Variants in IFIH1 observed in about 807,000 individuals in gnomAD.
The protein encoded by IFIH1 is interferon induced with helicase C domain 1, also known as interferon-induced helicase C domain-containing protein 1.
In IFIH1, 125 loss-of-function variants were observed where a neutral mutation model predicts 107.4. The observed-to-expected ratio is 1.16, with a 90% CI of 1.01 to 1.35. IFIH1 has a LOEUF of 1.35. Ranked by LOEUF, IFIH1 falls within the 40% of genes most tolerant of loss-of-function variation. IFIH1 has a pLI of 0.00. For missense variants in IFIH1, 1,333 were observed against 1,213.7 expected (o/e 1.10, Z -1.46); for synonymous variants, 458 against 413.2 (o/e 1.11, Z -1.31).
chr2:162,306,636 T>G, intron 3 of IFIH1, 73 bp downstream of exon 3: 2 of 1,145,418 alleles, frequency 1.7e-6, no homozygotes, highest in Admixed American at 4.1e-5. Context: ...TCCCTCTGAT[T>G]AATAGGTTCT....
chr2:162,278,098 T>C (rs1432466485), intron 9 of IFIH1, 107 bp downstream of exon 9: 1 of 900,546 alleles, frequency 1.1e-6, no homozygotes, highest in African/African-American at 1.7e-5. Flanking sequence ...GAAATTCTAT[T>C]TGGAACTACT....
chr2:162,293,264 G>T (rs1469734425), intron 4 of IFIH1, among the ~76,000 whole-genome samples: 1 of 151,916 alleles, frequency 6.6e-6, no homozygotes, highest in Non-Finnish European at 1.5e-5. Flanking sequence ...CTATTTAAAT[G>T]CAGTCAAATT....
intron 12 of IFIH1, 102 bp from the exon 13 acceptor site, chr2:162,272,489 T>G (rs1489523099): frequency 1.6e-5 from 16 of 1,008,542 alleles, no homozygotes; most frequent in Non-Finnish European, 2.2e-5. Flanking sequence ...GAAATGATAT[T>G]GGGTTGTTCA....
At chr2:162,276,633 A>T (rs1199897193) in intron 11 of IFIH1, 54 bp downstream of exon 11, 15 of 1,545,130 alleles carry the variant, frequency 9.7e-6, no homozygotes, top group Non-Finnish European at 1.1e-5. Flanking sequence ...AGAAGAGAAG[A>T]GAAGAAGAAA....
intron 14 of IFIH1, 69 bp from the exon 15 acceptor site, chr2:162,267,638 A>G (rs1206594721): frequency 8.8e-7 from 1 of 1,138,622 alleles, no homozygotes; most frequent in Non-Finnish European, 1.3e-6. Flanking sequence ...TTCATGGGTT[A>G]TTGGACCTGG....
intron 14 of IFIH1, 25 bp downstream of exon 14, chr2:162,268,062 T>G: frequency 6.5e-7 from 1 of 1,539,218 alleles, no homozygotes; most frequent in South Asian, 1.2e-5. Context: ...TGGAAAAATG[T>G]AAAAATGGGT....
Position 162,306,840 on chromosome 2 carries a change from G to A in IFIH1, c.638C>T (p.Ser213Leu). ...SESNAEIENL[S>L]QVDGPQVEEQ... ...TTCCACTTGAGGACCATCAACTTGT[G>A]ATAAATTCTCAATCTCTGTGAATAA... Residue 213 changes from serine to leucine, a missense_variant, in exon 3 of 16, where the codon TCA becomes TTA. Physicochemically the swap from Ser to Leu is moderately radical, Grantham distance 145. Transcript: ENST00000649979. 6.2e-7 allele frequency: 1 copy of A among 1,613,742 alleles called. No homozygotes were observed. The highest frequency in any genetic ancestry group is 8.5e-7 in the Non-Finnish European group (1 of 1,179,758).
In IFIH1 at chr2:162,288,389, G is replaced by A. The variant is rs35502110; in HGVS notation, c.875-34C>T. The A allele has an allele frequency of 9.4e-3, 14,262 of 1,523,156 alleles. 79 individuals carry two copies. The highest frequency in any genetic ancestry group is 0.012 in the Non-Finnish European group (12,778 of 1,100,662). The allele number at this position is 1,523,156 out of a possible 1,614,324, so 94.4% of individuals were successfully genotyped here. A position where few individuals can be genotyped will look rare whatever the true frequency, so the allele number is the denominator to read the frequency against. On this transcript the variant is annotated intron_variant, in intron 4 of 15. Coordinates refer to ENST00000649979, the MANE Select transcript of IFIH1 (RefSeq NM_022168.4). ...GGTTGAAAAGAAAAATAAGAGAAGG[G>A]ACAACAAAATAACAGAGCTTAGGAA... is the stretch of plus-strand genomic sequence containing the variant.
rs765399664 is a variant in IFIH1 at position 162,289,061 on chromosome 2, T to TC, written c.875-707_875-706insG. Among the ~76,000 whole-genome samples, 570 of 152,018 alleles carry TC rather than the reference T, an allele frequency of 3.7e-3. 2 individuals carry two copies. Among genetic ancestry groups the TC allele is most frequent in the Middle Eastern group, 0.017 (5 of 294 alleles). On this transcript the variant is annotated intron_variant, in intron 4 of 15. Coordinates refer to ENST00000649979, the MANE Select transcript of IFIH1 (RefSeq NM_022168.4). Reference sequence around the variant, plus strand: ...AAAAAACTCTTCCTATGCTAGCCTTTAATTGGTAGGTTTTCCTTGAAAGGT... The same window carrying TC: ...AAAAAACTCTTCCTATGCTAGCCTTTCAATTGGTAGGTTTTCCTTGAAAGGT...
chr2:162,288,425 G>T, intron 4 of IFIH1, 70 bp from the exon 5 acceptor site: 1 of 1,106,092 alleles, frequency 9.0e-7, no homozygotes, highest in Non-Finnish European at 1.3e-6. Flanking sequence ...GCCTGAAACT[G>T]AACGTAGGCC....
At chr2:162,279,856 T>C (rs1182570720) in intron 8 of IFIH1, 140 bp downstream of exon 8, 1 of 650,782 alleles carries the variant, frequency 1.5e-6, no homozygotes, top group East Asian at 2.8e-5. Context: ...CTGCCTAACA[T>C]CAATTAAAAA....
chr2:162,297,905 C>T (rs1236645077), intron 3 of IFIH1, among the ~76,000 whole-genome samples: 1 of 152,006 alleles, frequency 6.6e-6, no homozygotes, highest in Non-Finnish European at 1.5e-5. Context: ...CCTTATTTTG[C>T]AATCACATCT....
In IFIH1 at chr2:162,310,919, T is replaced by C; in HGVS notation, c.468A>G (p.Glu156=). The change falls in exon 2 of 16, where the codon GAA becomes GAG. Residue 156 remains glutamate, a synonymous_variant. Coordinates refer to ENST00000649979, the MANE Select transcript of IFIH1 (RefSeq NM_022168.4). ...TTACACCTGATTCATTTCCATTGTT[T>C]TCTGCAGCAGCAATCTGTTGTAAGA... ...IEDRNRIAAA[E]NNGNESGVRE... is the part of the protein sequence containing the mutation. 1.9e-6 allele frequency: 3 copies of C among 1,613,046 alleles called. No individual in the cohort carries two copies. Among genetic ancestry groups the C allele is most frequent in the South Asian group, 2.2e-5 (2 of 90,932 alleles).
chr2:162,268,063 A>G, intron 14 of IFIH1, 24 bp downstream of exon 14: 1 of 1,539,764 alleles, frequency 6.5e-7, no homozygotes, highest in Non-Finnish European at 8.8e-7. Flanking sequence ...GGAAAAATGT[A>G]AAAATGGGTC....
In IFIH1 at chr2:162,288,204, A is replaced by C; in HGVS notation, c.1026T>G (p.Ile342Met). The change falls in exon 5 of 16, where the codon ATT (isoleucine) becomes ATG (methionine). Residue 342 changes from isoleucine to methionine, a missense_variant. Coordinates refer to ENST00000649979, the MANE Select transcript of IFIH1 (RefSeq NM_022168.4). ...GSGKTRVAVY[I>M]AKDHLDKKKK... The stretch of plus-strand genomic sequence containing the variant: ...TCTTCTTGTCTAAGTGATCCTTGGC[A>C]ATGTAAACAGCCACTCTGGTTTTTC... 6.2e-7 allele frequency: 1 copy of C among 1,612,746 alleles called. No homozygotes were observed. The highest frequency in any genetic ancestry group is 1.3e-5 in the African/African-American group (1 of 74,886).
intron 3 of IFIH1, 103 bp downstream of exon 3, chr2:162,306,606 A>G (rs999715106): frequency 1.1e-5 from 8 of 709,304 alleles, no homozygotes; most frequent in African/African-American, 1.8e-5. Context: ...ATGTTTACTA[A>G]CCTTAATGCC....
chr2:162,307,576 G>C (rs1683307185), intron 2 of IFIH1, among the ~76,000 whole-genome samples: 1 of 152,038 alleles, frequency 6.6e-6, no homozygotes, highest in African/African-American at 2.4e-5. Context: ...TTTTATTAAG[G>C]GCTTATGTGG....
intron 6 of IFIH1, 49 bp downstream of exon 6, chr2:162,282,317 C>A (rs1210751422): frequency 8.5e-7 from 1 of 1,179,728 alleles, no homozygotes; most frequent in South Asian, 1.5e-5. Flanking sequence ...CCTTTGTTAT[C>A]ATCAATATTA....
chr2:162,269,446 CTG>C (rs1690991768), intron 13 of IFIH1, among the ~76,000 whole-genome samples: 3 of 152,148 alleles, frequency 2.0e-5, no homozygotes, highest in Non-Finnish European at 4.4e-5. Flanking sequence ...TAGATTCCTT[CTG>C]TGAGAGAATA....
Sources: gnomAD v4.1 joint callset for allele counts (sites outside exome capture counted in the v4.1 genomes callset) on GRCh38, gnomAD v4.1.1 for gene constraint, MANE v1.5 for transcripts, NCBI Gene and HGNC (gene_info 2026-07-23, HGNC 2026-07-21) for gene names.